Variants in SPIDR observed in about 807,000 individuals in gnomAD.
SPIDR encodes the protein scaffold protein involved in DNA repair.
In SPIDR, 93 loss-of-function variants were observed where a neutral mutation model predicts 104.6. The ratio of observed to expected loss-of-function variants is 0.89; its 90% confidence interval spans 0.75 to 1.06. The LOEUF (loss-of-function observed/expected upper bound fraction) is 1.06, where lower values mean the gene tolerates loss of function less well. Among genes scored for constraint, SPIDR ranks in the 50% least tolerant of loss-of-function variants. The pLI is 0.00. For synonymous variants in SPIDR, 431 were observed against 416.9 expected, an observed-to-expected ratio of 1.03 and a Z score of -0.41; for missense variants, 1,154 against 1,111.2, an observed-to-expected ratio of 1.04 and a Z score of -0.55.
chr8:47,560,824 G>A (rs902924729), intron 8 of SPIDR, among the ~76,000 whole-genome samples: 1 of 152,076 alleles, frequency 6.6e-6, no homozygotes, highest in Non-Finnish European at 1.5e-5. Flanking sequence ...TTAAGAGTTA[G>A]CATCTGTGTG....
At chr8:47,394,761 C>G (rs1270147476) in intron 5 of SPIDR, among the ~76,000 whole-genome samples, 1 of 151,994 alleles carries the variant, frequency 6.6e-6, no homozygotes, top group Admixed American at 6.6e-5. Flanking sequence ...TTAGTGTCAG[C>G]TTCATTTTCA....
intron 1 of SPIDR, among the ~76,000 whole-genome samples, chr8:47,266,933 T>C (rs1308703438): frequency 6.6e-6 from 1 of 152,240 alleles, no homozygotes; most frequent in Non-Finnish European, 1.5e-5. Context: ...ACCACTAAGC[T>C]ACTTTCGGTG....
chr8:47,343,893 G>A (rs1212047104), intron 5 of SPIDR, among the ~76,000 whole-genome samples: 1 of 152,058 alleles, frequency 6.6e-6, no homozygotes, highest in Non-Finnish European at 1.5e-5. Flanking sequence ...AATGCTTGTA[G>A]GACATTCTTA....
intron 7 of SPIDR, among the ~76,000 whole-genome samples, chr8:47,413,089 T>C (rs2063759351): frequency 6.6e-6 from 1 of 152,244 alleles, no homozygotes; most frequent in Non-Finnish European, 1.5e-5. Flanking sequence ...GAGTTCTTAG[T>C]TACAACATTA....
intron 8 of SPIDR, among the ~76,000 whole-genome samples, chr8:47,557,558 A>G (rs970158743): frequency 6.6e-6 from 1 of 152,256 alleles, no homozygotes; most frequent in African/African-American, 2.4e-5. Flanking sequence ...TTTAAAAAAC[A>G]TGCTAAGCTA....
At chr8:47,710,832 T>G (rs1408200482) in intron 14 of SPIDR, among the ~76,000 whole-genome samples, 1 of 152,040 alleles carries the variant, frequency 6.6e-6, no homozygotes, top group East Asian at 1.9e-4. Flanking sequence ...CGGGCTGTAG[T>G]GCAGTGGTAC....
chr8:47,525,297 A>G (rs1227134581), intron 8 of SPIDR, among the ~76,000 whole-genome samples: 1 of 152,244 alleles, frequency 6.6e-6, no homozygotes, highest in African/African-American at 2.4e-5. Flanking sequence ...TGTCGTCACA[A>G]GATTCTGTGG....
intron 10 of SPIDR, among the ~76,000 whole-genome samples, chr8:47,634,164 C>T (rs556335665): frequency 2.4e-5 from 3 of 125,450 alleles, no homozygotes; most frequent in Admixed American, 7.8e-5. Flanking sequence ...TGAAAAACAA[C>T]GAAAAAAGGG....
intron 10 of SPIDR, among the ~76,000 whole-genome samples, chr8:47,640,586 A>G (rs1288385307): frequency 2.0e-5 from 3 of 152,196 alleles, no homozygotes; most frequent in Non-Finnish European, 4.4e-5. Context: ...AAGTCCAAAT[A>G]TTTTTATATG....
chr8:47,370,819 GA>G (rs1176905079), intron 5 of SPIDR, among the ~76,000 whole-genome samples: 2 of 151,020 alleles, frequency 1.3e-5, no homozygotes, highest in East Asian at 1.9e-4. Flanking sequence ...CACTGAATAT[GA>G]AAAAAAAATT....
intron 8 of SPIDR, among the ~76,000 whole-genome samples, chr8:47,567,182 T>C (rs905361354): frequency 3.3e-5 from 5 of 151,734 alleles, no homozygotes; most frequent in Non-Finnish European, 7.4e-5. Flanking sequence ...GAGCAGGAAA[T>C]GGGGATTACA....
intron 5 of SPIDR, among the ~76,000 whole-genome samples, chr8:47,320,092 AAGATC>A (rs1554593696): frequency 6.6e-6 from 1 of 152,180 alleles, no homozygotes; most frequent in Admixed American, 6.5e-5. Flanking sequence ...AGAAATAACT[AAGATC>A]AGAGCAGAAC....
At position 47,396,468 on chromosome 8, in the gene SPIDR, C is replaced by CAAAAA. The variant is rs782485125; in HGVS notation, c.621_622insAAAAA (p.Tyr208LysfsTer18). ...TACTCATTGATTCAGAATCCCCTCACAAATACCACGTGCAGTTTGCATCGG... is the reference window on the plus strand; with the variant it reads ...TACTCATTGATTCAGAATCCCCTCACAAAAAAAATACCACGTGCAGTTTGCATCGG... On this transcript the variant is annotated frameshift_variant, in exon 6 of 20. Coordinates refer to ENST00000297423, the MANE Select transcript of SPIDR (RefSeq NM_001080394.4). LOFTEE classifies it high-confidence loss of function. 99 of 1,613,908 alleles carry CAAAAA rather than the reference C, an allele frequency of 6.1e-5. No homozygotes were observed. Among genetic ancestry groups the CAAAAA allele is most frequent in the Non-Finnish European group, 7.0e-5 (83 of 1,180,000 alleles).
chr8:47,551,274 G>A lies in SPIDR; in HGVS notation c.1098-44537G>A, dbSNP rs150347886. 1.6e-4 allele frequency among the ~76,000 whole-genome samples: 24 copies of A among 152,314 alleles called. No individual in the cohort carries two copies. In the East Asian group the frequency reaches 4.2e-3, roughly 27 times the overall value. ...TGCCAGGCTTTGGTATCAGGATGAT[G>A]CTGGCCTCATAATATGAGTTAGGGA... On this transcript the variant is annotated intron_variant, in intron 8 of 19. Coordinates refer to ENST00000297423, the MANE Select transcript of SPIDR (RefSeq NM_001080394.4).
chr8:47,458,851 A>T (rs1554711515), intron 8 of SPIDR, among the ~76,000 whole-genome samples: 1 of 152,048 alleles, frequency 6.6e-6, no homozygotes, highest in Non-Finnish European at 1.5e-5. Context: ...ATTTTGAGGG[A>T]TGCCAGCTTT....
chr8:47,505,489 G>A (rs933760616), intron 8 of SPIDR, among the ~76,000 whole-genome samples: 8 of 152,182 alleles, frequency 5.3e-5, no homozygotes, highest in South Asian at 2.1e-4. Context: ...TTGGAAAAGC[G>A]CAGTATTAGG....
intron 8 of SPIDR, among the ~76,000 whole-genome samples, chr8:47,574,852 A>G (rs1474741180): frequency 6.6e-6 from 1 of 152,182 alleles, no homozygotes; most frequent in African/African-American, 2.4e-5. Context: ...GACCATTACT[A>G]GAATTCCTTT....
chr8:47,422,902 G>A (rs900380941), intron 7 of SPIDR, among the ~76,000 whole-genome samples: 2 of 152,118 alleles, frequency 1.3e-5, no homozygotes, highest in African/African-American at 4.8e-5. Context: ...TAACTTTTAA[G>A]AATCAATGTT....
At chr8:47,629,711 G>A (rs1482859239) in intron 10 of SPIDR, among the ~76,000 whole-genome samples, 1 of 152,220 alleles carries the variant, frequency 6.6e-6, no homozygotes, top group Non-Finnish European at 1.5e-5. Context: ...CCGAGATCGT[G>A]CTACTGCACT....
Sources: allele counts gnomAD v4.1 joint callset (sites outside exome capture counted in the v4.1 genomes callset), GRCh38; gene constraint gnomAD v4.1.1; transcripts MANE v1.5; gene names NCBI Gene and HGNC (gene_info 2026-07-23, HGNC 2026-07-21).